Variants in TRAPPC9 observed in about 807,000 individuals in gnomAD.
TRAPPC9 encodes the protein IKK2 binding protein.
Under a neutral mutation model 124.0 loss-of-function variants are expected in TRAPPC9, and 83 were observed. The observed-to-expected ratio is 0.67, with a 90% confidence interval of 0.56 to 0.80. TRAPPC9 has a LOEUF of 0.80. Among genes scored for constraint, TRAPPC9 ranks in the 30% least tolerant of loss-of-function variants. The pLI is 0.00. For missense variants in TRAPPC9, 1,302 were observed against 1,508.3 expected (o/e 0.86, Z 2.27); for synonymous variants, 638 against 617.5 (o/e 1.03, Z -0.49).
intron 17 of TRAPPC9, among the ~76,000 whole-genome samples, chr8:140,172,943 T>C (rs1419707403): frequency 1.3e-5 from 2 of 152,006 alleles, no homozygotes; most frequent in Non-Finnish European, 2.9e-5. Flanking sequence ...TAGAATGAAA[T>C]GGAGGGAAGA....
At chr8:139,863,544 G>A (rs1218786934) in intron 21 of TRAPPC9, among the ~76,000 whole-genome samples, 2 of 152,242 alleles carry the variant, frequency 1.3e-5, no homozygotes, top group African/African-American at 4.8e-5. Context: ...CGGGACCCGG[G>A]ACTTGCGGGG....
At chr8:140,434,633 G>T (rs752524537) in intron 4 of TRAPPC9, among the ~76,000 whole-genome samples, 2 of 152,184 alleles carry the variant, frequency 1.3e-5, no homozygotes, top group Admixed American at 1.3e-4. Flanking sequence ...GTGGTATTCA[G>T]TAAGATTGAA....
At chr8:140,155,111 T>C (rs1353352823) in intron 17 of TRAPPC9, among the ~76,000 whole-genome samples, 4 of 152,124 alleles carry the variant, frequency 2.6e-5, no homozygotes, top group South Asian at 2.1e-4. Flanking sequence ...ATTCAAGGGA[T>C]GGGTGGATTC....
intron 21 of TRAPPC9, among the ~76,000 whole-genome samples, chr8:139,860,912 G>A (rs1828094515): frequency 6.6e-6 from 1 of 152,224 alleles, no homozygotes. Context: ...CTCCTTACCA[G>A]GCTACAGTCA....
intron 17 of TRAPPC9, among the ~76,000 whole-genome samples, chr8:140,150,315 G>A (rs2061524878): frequency 6.6e-6 from 1 of 152,120 alleles, no homozygotes. Context: ...CAGGTGTGGT[G>A]GCAGGCACCT....
At chr8:139,972,765 C>T (rs1465679792) in intron 19 of TRAPPC9, among the ~76,000 whole-genome samples, 2 of 152,192 alleles carry the variant, frequency 1.3e-5, no homozygotes, top group African/African-American at 2.4e-5. Flanking sequence ...AACTTGGACC[C>T]CAAAGAACTT....
intron 5 of TRAPPC9, among the ~76,000 whole-genome samples, chr8:140,421,973 G>T (rs935930530): frequency 1.5e-4 from 14 of 92,732 alleles, no homozygotes; most frequent in Non-Finnish European, 2.9e-4. Context: ...AAGAGATAAG[G>T]TCCCTCATGA....
chr8:140,074,151 T>C (rs1843358537), intron 17 of TRAPPC9, among the ~76,000 whole-genome samples: 1 of 151,752 alleles, frequency 6.6e-6, no homozygotes, highest in Admixed American at 6.6e-5. Flanking sequence ...ACGGAATGAG[T>C]AGTGCAGGGC....
At chr8:139,932,568 GC>G (rs1367022528) in intron 19 of TRAPPC9, 1 of 453,844 alleles carries the variant, frequency 2.2e-6, no homozygotes. Flanking sequence ...TTCGAGACCA[GC>G]CTGGACAACA....
chr8:140,251,560 G>C (rs1225411665), intron 16 of TRAPPC9, among the ~76,000 whole-genome samples: 1 of 152,208 alleles, frequency 6.6e-6, no homozygotes, highest in African/African-American at 2.4e-5. Context: ...GAACTGCAGA[G>C]GGTGCAGACA....
intron 10 of TRAPPC9, among the ~76,000 whole-genome samples, chr8:140,301,706 C>T (rs565709197): frequency 2.0e-5 from 3 of 152,194 alleles, no homozygotes; most frequent in African/African-American, 4.8e-5. Context: ...TCCCGGCCTC[C>T]GCAGGAAGGT....
In TRAPPC9 at chr8:140,304,481, C is replaced by T. The variant is rs574476444; in HGVS notation, c.1623-3867G>A. The stretch of plus-strand genomic sequence containing the variant: ...TTTGGTTGATATATGAAGACAGTCC[C>T]GGATTTGTTTCCTAAGGAAGCACCT... On this transcript the variant is annotated intron_variant, in intron 10 of 22. Transcript: ENST00000438773. 1.2e-3 allele frequency among the ~76,000 whole-genome samples: 177 copies of T among 152,128 alleles called. 1 individual carries two copies. Among genetic ancestry groups the T allele is most frequent in the Non-Finnish European group, 2.2e-3 (149 of 68,020 alleles).
chr8:139,958,963 C>CACTGCATTCCGAGTCACACGGGGGAGG (rs1835187494), intron 19 of TRAPPC9, among the ~76,000 whole-genome samples: 1 of 131,148 alleles, frequency 7.6e-6, no homozygotes, highest in African/African-American at 3.0e-5. Context: ...CACGGGGGAG[C>CACTGCATTCCGAGTCACACGGGGGAGG]CCTGCATTCC....
chr8:140,225,702 TCACCCAGTAAGC>T (rs2131345875), intron 16 of TRAPPC9, among the ~76,000 whole-genome samples: 1 of 152,256 alleles, frequency 6.6e-6, no homozygotes, highest in Admixed American at 6.5e-5. Context: ...CAATGTGACT[TCACCCAGTAAGC>T]CGTCCTCTGT....
intron 2 of TRAPPC9, among the ~76,000 whole-genome samples, chr8:140,445,474 C>T (rs1228513366): frequency 1.3e-5 from 2 of 152,122 alleles, no homozygotes; most frequent in South Asian, 2.1e-4. Flanking sequence ...GAAGGGCCTG[C>T]GGTCCAGGAG....
At chr8:139,790,897 C>T (rs1586848184) in intron 21 of TRAPPC9, among the ~76,000 whole-genome samples, 1 of 152,082 alleles carries the variant, frequency 6.6e-6, no homozygotes, top group South Asian at 2.1e-4. Flanking sequence ...AGTGATTTCT[C>T]GAGAGGTCTG....
intron 20 of TRAPPC9, among the ~76,000 whole-genome samples, chr8:139,893,402 C>T (rs35964514): frequency 0.15 from 22,899 of 152,240 alleles, 2,044 homozygotes; most frequent in African/African-American, 0.23. Context: ...GGGGAGCCAA[C>T]TGAGCACAGC....
In TRAPPC9 at chr8:139,729,602, G is replaced by A. The variant is rs566717091; in HGVS notation, c.*1459C>T. Among the ~76,000 whole-genome samples the A allele has an allele frequency of 6.6e-6, 1 of 152,290 alleles. No individual in the cohort carries two copies. The highest frequency in any genetic ancestry group is 2.4e-5 in the African/African-American group (1 of 41,570). On this transcript the variant is annotated 3_prime_UTR_variant, in exon 23 of 23. Coordinates refer to ENST00000438773, the MANE Select transcript of TRAPPC9 (RefSeq NM_001160372.4). ...TCACAGTGTGCTCCCATCATTCACT[G>A]AGCGACAACAGGAGGCCACAGATGG...
At chr8:139,949,069 T>A (rs1005674763) in intron 19 of TRAPPC9, among the ~76,000 whole-genome samples, 6 of 151,332 alleles carry the variant, frequency 4.0e-5, no homozygotes. Context: ...TGAGACTCCA[T>A]CTCAAAAAAA....
Sources: allele counts gnomAD v4.1 joint callset (sites outside exome capture counted in the v4.1 genomes callset), GRCh38; gene constraint gnomAD v4.1.1; transcripts MANE v1.5; gene names NCBI Gene and HGNC (gene_info 2026-07-23, HGNC 2026-07-21).